TRIM44: variants seen among roughly 807,000 people sequenced by gnomAD.
The protein encoded by TRIM44 is tripartite motif containing 44.
TRIM44 carries 13 observed loss-of-function variants against 37.4 expected under a neutral mutation model. That is an observed-to-expected ratio of 0.35 (90% CI 0.23 to 0.55). TRIM44 has a LOEUF of 0.55. TRIM44 is among the 20% of genes least tolerant of loss of function. The pLI, the probability that TRIM44 is intolerant of heterozygous loss-of-function variation, is 0.89. For synonymous variants in TRIM44, 175 were observed against 157.2 expected (o/e 1.11, Z -0.85); for missense variants, 426 against 437.2 (o/e 0.97, Z 0.23).
intron 4 of TRIM44, among the ~76,000 whole-genome samples, chr11:35,754,839 CT>C (rs1403859232): frequency 4.6e-5 from 7 of 152,024 alleles, no homozygotes; most frequent in Non-Finnish European, 1.0e-4. Context: ...TGAACTCATC[CT>C]TTTTTATGGC....
At chr11:35,695,228 G>A (rs1173433858) in intron 2 of TRIM44, among the ~76,000 whole-genome samples, 1 of 152,110 alleles carries the variant, frequency 6.6e-6, no homozygotes, top group Non-Finnish European at 1.5e-5. Flanking sequence ...AGGACAAGGT[G>A]CCCATCCTCG....
intron 4 of TRIM44, among the ~76,000 whole-genome samples, chr11:35,752,070 A>G (rs961885068): frequency 6.6e-6 from 1 of 151,882 alleles, no homozygotes; most frequent in Non-Finnish European, 1.5e-5. Flanking sequence ...CTGTCCTCCA[A>G]ATTCTTCTAC....
chr11:35,762,390 C>G (rs552641620), intron 4 of TRIM44, among the ~76,000 whole-genome samples: 1 of 152,210 alleles, frequency 6.6e-6, no homozygotes, highest in South Asian at 2.1e-4. Context: ...TAAGTCTTTG[C>G]CTCTGGAGCT....
Position 35,795,183 on chromosome 11 carries a change from G to A in TRIM44, c.1008-11175G>A, listed in dbSNP as rs888454946. 8.5e-5 allele frequency among the ~76,000 whole-genome samples: 13 copies of A among 152,128 alleles called. No individual in the cohort carries two copies. In the South Asian group the frequency reaches 2.1e-3, roughly 24 times the overall value. ...CTGGAAGGTGGCATGAATCAGGCTG[G>A]AAAGGGAGAGAGGGGCCAAAGCATG... On this transcript the variant is annotated intron_variant, in intron 4 of 4. Transcript: ENST00000299413.
chr11:35,721,864 CA>C (rs565633102), intron 2 of TRIM44, among the ~76,000 whole-genome samples: 1 of 152,146 alleles, frequency 6.6e-6, no homozygotes, highest in South Asian at 2.1e-4. Context: ...CACTGATACA[CA>C]AAAGACACAA....
chr11:35,809,931 C>T lies in TRIM44; in HGVS notation c.*3546C>T, dbSNP rs952827475. The T allele has an allele frequency of 6.6e-6, 1 of 152,104 alleles. No individual in the cohort carries two copies. The highest frequency in any genetic ancestry group is 2.4e-5 in the African/African-American group (1 of 41,394). 9.4% of individuals were successfully genotyped at this position (152,104 alleles called of 1,614,324 possible). On this transcript the variant is annotated 3_prime_UTR_variant, in exon 5 of 5. Transcript: ENST00000299413. ...GAGCTAAGGAAAACTCAAAGCAGCC[C>T]CTTCATTATCTTGCGTACTACTTCA... is the stretch of plus-strand genomic sequence containing the variant.
At chr11:35,707,309 A>G (rs1851899826) in intron 2 of TRIM44, among the ~76,000 whole-genome samples, 4 of 152,208 alleles carry the variant, frequency 2.6e-5, no homozygotes, top group Admixed American at 2.6e-4. Flanking sequence ...GGGTAGGAAG[A>G]ATCAATATCG....
At chr11:35,687,553 C>A (rs142072172) in intron 2 of TRIM44, among the ~76,000 whole-genome samples, 3 of 152,254 alleles carry the variant, frequency 2.0e-5, no homozygotes, top group Admixed American at 2.0e-4. Context: ...ATTCTGATTC[C>A]GCCAAACTTA....
intron 4 of TRIM44, among the ~76,000 whole-genome samples, chr11:35,762,152 G>A (rs758298946): frequency 1.3e-5 from 2 of 152,216 alleles, no homozygotes; most frequent in African/African-American, 2.4e-5. Context: ...AAAGCAGGGT[G>A]TGAATGCAAA....
intron 1 of TRIM44, among the ~76,000 whole-genome samples, chr11:35,682,649 TG>T (rs1851532527): frequency 6.6e-6 from 1 of 152,118 alleles, no homozygotes; most frequent in African/African-American, 2.4e-5. Context: ...GTGGAACAGG[TG>T]AGTTTCCTGA....
chr11:35,677,508 CAG>C (rs1420954145), intron 1 of TRIM44, among the ~76,000 whole-genome samples: 4 of 151,944 alleles, frequency 2.6e-5, no homozygotes, highest in Non-Finnish European at 4.4e-5. Flanking sequence ...ATAATAACAA[CAG>C]AAATTATAAC....
intron 2 of TRIM44, among the ~76,000 whole-genome samples, chr11:35,706,814 T>A (rs948864728): frequency 7.2e-5 from 11 of 151,786 alleles, no homozygotes; most frequent in African/African-American, 2.7e-4. Flanking sequence ...TCATACTGAA[T>A]GGGCAAAAAC....
At chr11:35,664,189 C>T (rs550132012) in intron 1 of TRIM44, among the ~76,000 whole-genome samples, 87 of 152,290 alleles carry the variant, frequency 5.7e-4, no homozygotes, top group African/African-American at 1.9e-3. Flanking sequence ...GATTTTGCCA[C>T]ATGAATCCAA....
chr11:35,795,694 G>GTTT (rs150864356), intron 4 of TRIM44, among the ~76,000 whole-genome samples: 1 of 151,220 alleles, frequency 6.6e-6, no homozygotes, highest in South Asian at 2.1e-4. Context: ...AACTCTTCCC[G>GTTT]TTTTTTTTTA....
chr11:35,723,340 A>G (rs769831289), intron 2 of TRIM44, among the ~76,000 whole-genome samples: 3 of 152,216 alleles, frequency 2.0e-5, no homozygotes, highest in Admixed American at 6.5e-5. Flanking sequence ...TTGCAGTGCT[A>G]TGTTATAATT....
Position 35,735,288 on chromosome 11 carries a change from G to A in TRIM44, c.988-138G>A, listed in dbSNP as rs1320363588. 3.8e-6 allele frequency: 3 copies of A among 785,012 alleles called. No individual in the cohort carries two copies. The East Asian group carries it at 7.8e-5, about 21-fold the overall frequency. 48.6% of individuals were successfully genotyped at this position (785,012 alleles called of 1,614,324 possible). A position where few individuals can be genotyped will look rare whatever the true frequency, so the allele number is the denominator to read the frequency against. Reference sequence around the variant, plus strand: ...TTAGCTCTTGTCTTAGCCTTTAGATGTCTGTTGGTTTGTCTCTGTTACAAT... The same window carrying A: ...TTAGCTCTTGTCTTAGCCTTTAGATATCTGTTGGTTTGTCTCTGTTACAAT... On this transcript the variant is annotated intron_variant, in intron 3 of 4. Coordinates refer to ENST00000299413, the MANE Select transcript of TRIM44 (RefSeq NM_017583.6).
intron 4 of TRIM44, among the ~76,000 whole-genome samples, chr11:35,760,452 C>T (rs371707219): frequency 3.3e-5 from 5 of 152,196 alleles, no homozygotes; most frequent in Admixed American, 1.3e-4. Flanking sequence ...CCAGGTGAGG[C>T]GATGCCTCGC....
chr11:35,777,084 G>A (rs1482772664), intron 4 of TRIM44, among the ~76,000 whole-genome samples: 1 of 152,170 alleles, frequency 6.6e-6, no homozygotes, highest in Non-Finnish European at 1.5e-5. Flanking sequence ...TATTGTGAGG[G>A]AGTCTAAGTC....
intron 4 of TRIM44, among the ~76,000 whole-genome samples, chr11:35,775,734 G>A (rs1463821027): frequency 2.0e-5 from 3 of 152,142 alleles, no homozygotes; most frequent in Admixed American, 2.0e-4. Flanking sequence ...TAATCATTTG[G>A]TTTTTGTCTT....
Sources: gnomAD v4.1 joint callset for allele counts (sites outside exome capture counted in the v4.1 genomes callset) on GRCh38, gnomAD v4.1.1 for gene constraint, MANE v1.5 for transcripts, NCBI Gene and HGNC (gene_info 2026-07-23, HGNC 2026-07-21) for gene names.